Variants in GABRB1 observed in about 807,000 individuals in gnomAD.
GABRB1 encodes gamma-aminobutyric acid receptor subunit beta-1.
GABRB1 carries 17 observed loss-of-function variants against 51.6 expected under a neutral mutation model. The ratio of observed to expected loss-of-function variants is 0.33; its 90% CI spans 0.23 to 0.49. GABRB1 has a LOEUF of 0.49. Ranked by LOEUF, GABRB1 falls within the 20% of genes least tolerant of loss-of-function variation. The pLI is 0.99. For missense variants in GABRB1, 410 were observed against 600.6 expected, an observed-to-expected ratio of 0.68 and a Z score of 3.32; for synonymous variants, 247 against 218.9, an observed-to-expected ratio of 1.13 and a Z score of -1.14.
chr4:47,214,361 C>T (rs1030333849), intron 4 of GABRB1, among the ~76,000 whole-genome samples: 1 of 152,132 alleles, frequency 6.6e-6, no homozygotes, highest in Non-Finnish European at 1.5e-5. Flanking sequence ...CCTCTCAGCT[C>T]CAGAGTGGGC....
chr4:47,021,683 T>G (rs1257377222), intron 1 of GABRB1, among the ~76,000 whole-genome samples: 1 of 152,156 alleles, frequency 6.6e-6, no homozygotes, highest in African/African-American at 2.4e-5. Flanking sequence ...CCTGTGTCTT[T>G]TCTTTATCAG....
intron 4 of GABRB1, among the ~76,000 whole-genome samples, chr4:47,249,358 T>TGGA (rs1303563976): frequency 2.0e-5 from 3 of 152,168 alleles, no homozygotes; most frequent in Non-Finnish European, 4.4e-5. Flanking sequence ...TTTATTCCAC[T>TGGA]GTGACCTGAG....
chr4:47,329,722 A>T (rs1338119628), intron 5 of GABRB1, among the ~76,000 whole-genome samples: 1 of 149,160 alleles, frequency 6.7e-6, no homozygotes, highest in Non-Finnish European at 1.5e-5. Flanking sequence ...TATGATACAT[A>T]GCTATCAATA....
rs151034488 is a variant in GABRB1 at position 47,135,589 on chromosome 4, A to G, written c.241-25660A>G. On this transcript the variant is annotated intron_variant, in intron 3 of 8. Coordinates refer to ENST00000295454, the MANE Select transcript of GABRB1 (RefSeq NM_000812.4). ...ACTCTCCCTTCTTATTTTCTCTTCAATCTGTCTCTTCTATCCATCATCACT... is the reference window on the plus strand; with the variant it reads ...ACTCTCCCTTCTTATTTTCTCTTCAGTCTGTCTCTTCTATCCATCATCACT... 3.1e-3 allele frequency among the ~76,000 whole-genome samples: 477 copies of G among 152,192 alleles called. 5 individuals are homozygous for G. Among genetic ancestry groups the G allele is most frequent in the African/African-American group, 1.0e-2 (415 of 41,522 alleles).
At chr4:47,012,822 A>G (rs146304032) in intron 1 of GABRB1, among the ~76,000 whole-genome samples, 1 of 152,310 alleles carries the variant, frequency 6.6e-6, no homozygotes, top group East Asian at 1.9e-4. Context: ...TAACCATCTT[A>G]GCTAAGAAGT....
Position 47,116,103 on chromosome 4 carries a change from G to A in GABRB1, c.241-45146G>A, listed in dbSNP as rs540958810. Among the ~76,000 whole-genome samples, 12 of 152,234 alleles carry A rather than the reference G, an allele frequency of 7.9e-5. 1 individual carries two copies. The South Asian group carries it at 2.1e-3, about 26-fold the overall frequency. ...TTTGAAAATATGCAAGTAGCCTGTG[G>A]TTTTTACTTGCTAGTTGTATTTAAG... On this transcript the variant is annotated intron_variant, in intron 3 of 8. Transcript: ENST00000295454.
chr4:47,291,579 A>G (rs1047481597), intron 4 of GABRB1, among the ~76,000 whole-genome samples: 7 of 152,184 alleles, frequency 4.6e-5, no homozygotes, highest in Admixed American at 4.6e-4. Flanking sequence ...CCAGCCCATG[A>G]AAGCAACTAG....
chr4:47,133,713 G>A (rs1412591846), intron 3 of GABRB1, among the ~76,000 whole-genome samples: 1 of 152,106 alleles, frequency 6.6e-6, no homozygotes, highest in East Asian at 1.9e-4. Context: ...TTTTTAGCAG[G>A]ACTATCACAG....
At chr4:47,154,491 C>A (rs1485378956) in intron 3 of GABRB1, among the ~76,000 whole-genome samples, 1 of 152,006 alleles carries the variant, frequency 6.6e-6, no homozygotes, top group Admixed American at 6.6e-5. Flanking sequence ...TCTAAGATTT[C>A]TCAGCATACC....
At chr4:47,407,958 GGT>G (rs1159669012) in intron 8 of GABRB1, among the ~76,000 whole-genome samples, 1 of 152,152 alleles carries the variant, frequency 6.6e-6, no homozygotes, top group Non-Finnish European at 1.5e-5. Context: ...CGGGCATTGT[GGT>G]GTTTGCCTGT....
chr4:47,330,641 C>T (rs945295907), intron 5 of GABRB1, among the ~76,000 whole-genome samples: 1 of 152,026 alleles, frequency 6.6e-6, no homozygotes, highest in Non-Finnish European at 1.5e-5. Context: ...ATATAGAAGA[C>T]ATTCCTCATT....
intron 3 of GABRB1, among the ~76,000 whole-genome samples, chr4:47,063,098 C>A (rs1413852476): frequency 6.6e-6 from 1 of 152,060 alleles, no homozygotes; most frequent in Non-Finnish European, 1.5e-5. Context: ...GCTCTAAGGC[C>A]CTAAGCAATC....
intron 3 of GABRB1, among the ~76,000 whole-genome samples, chr4:47,140,000 G>A (rs553164339): frequency 1.6e-4 from 25 of 151,764 alleles, no homozygotes; most frequent in South Asian, 2.1e-4. Flanking sequence ...GGACAGCAGC[G>A]GTAAGAATAT....
In GABRB1 at chr4:47,210,766, G is replaced by A. The variant is rs545868502; in HGVS notation, c.461+49297G>A. Among the ~76,000 whole-genome samples, 59 of 152,212 alleles carry A rather than the reference G, an allele frequency of 3.9e-4. 1 individual carries two copies. The highest frequency in any genetic ancestry group is 1.4e-3 in the African/African-American group (58 of 41,540). ...CTGTGTCAGTTGTTAAAGACATAGA[G>A]AAAATGAACATAGTTTTGTCCTAAG... On this transcript the variant is annotated intron_variant, in intron 4 of 8. Transcript: ENST00000295454.
intron 4 of GABRB1, among the ~76,000 whole-genome samples, chr4:47,249,885 G>T (rs919935843): frequency 3.9e-5 from 6 of 151,954 alleles, no homozygotes; most frequent in African/African-American, 1.5e-4. Context: ...TCCATTCTGT[G>T]GTTCTGTATT....
At chr4:47,195,446 GATAGATAGATTA>G (rs1280431118) in intron 4 of GABRB1, among the ~76,000 whole-genome samples, 5 of 83,074 alleles carry the variant, frequency 6.0e-5, no homozygotes, top group African/African-American at 2.3e-4. Flanking sequence ...ATAGATAGAT[GATAGATAGATTA>G]GATGATAGAT....
chr4:47,179,307 A>G (rs1718845259), intron 4 of GABRB1, among the ~76,000 whole-genome samples: 1 of 152,008 alleles, frequency 6.6e-6, no homozygotes, highest in East Asian at 1.9e-4. Flanking sequence ...TCCTTTTTAT[A>G]TCACATTTTC....
Position 47,425,878 on chromosome 4 carries a change from A to G in GABRB1, c.1285A>G (p.Ile429Val), listed in dbSNP as rs1220321081. 1 of 1,614,154 alleles carries G rather than the reference A, an allele frequency of 6.2e-7. No homozygotes were observed. The highest frequency in any genetic ancestry group is 1.7e-5 in the Admixed American group (1 of 60,036). ...DRHGVPSKGR[I>V]RRRASQLKVK... The stretch of plus-strand genomic sequence containing the variant: ...GCACGGGGTACCCAGCAAGGGGCGC[A>G]TCCGCAGGCGTGCCTCCCAGCTCAA... The change falls in exon 9 of 9, where the codon ATC (isoleucine) becomes GTC (valine). Residue 429 changes from isoleucine (I) to valine (V), a missense_variant. This residue lies in a region of GABRB1 where 181 missense variants were observed against 195.6 expected (regional missense o/e 0.93). Coordinates refer to ENST00000295454, the MANE Select transcript of GABRB1 (RefSeq NM_000812.4).
At chr4:47,097,010 T>G (rs1371570230) in intron 3 of GABRB1, among the ~76,000 whole-genome samples, 1 of 152,174 alleles carries the variant, frequency 6.6e-6, no homozygotes, top group Non-Finnish European at 1.5e-5. Context: ...AGTAGAAAAC[T>G]ACCACAGTTG....
Sources: allele counts gnomAD v4.1 joint callset (sites outside exome capture counted in the v4.1 genomes callset), GRCh38; gene constraint gnomAD v4.1.1; regional missense constraint gnomAD v4.1.1; transcripts MANE v1.5; gene names NCBI Gene and HGNC (gene_info 2026-07-23, HGNC 2026-07-21).